CHMP5: variants seen among roughly 807,000 people sequenced by gnomAD.
The protein encoded by CHMP5 is charged multivesicular body protein 5.
CHMP5 carries 17 observed loss-of-function variants against 33.0 expected under a neutral mutation model. That is an observed-to-expected ratio of 0.52 (90% CI 0.35 to 0.77). The LOEUF is 0.77. CHMP5 is among the 30% of genes least tolerant of loss of function. The pLI is 0.01. For missense variants in CHMP5, 216 were observed against 261.5 expected (o/e 0.83, Z 1.20); for synonymous variants, 76 against 90.2 (o/e 0.84, Z 0.89).
intron 5 of CHMP5, 79 bp from the exon 6 acceptor site, chr9:33,276,377 C>T: frequency 1.3e-6 from 1 of 764,156 alleles, no homozygotes; most frequent in Non-Finnish European, 2.2e-6. Flanking sequence ...TGTCTAGATT[C>T]AAAGGAGAAT....
rs769449493 is a variant in CHMP5 at position 33,278,258 on chromosome 9, A to AAAAAGC, written c.609+35_609+36insAAGCAA. 41 of 1,282,130 alleles carry AAAAAGC rather than the reference A, an allele frequency of 3.2e-5. 1 individual carries two copies. In the Middle Eastern group the frequency reaches 1.1e-3, roughly 34 times the overall value. The allele number at this position is 1,282,130 out of a possible 1,614,324, so 79.4% of individuals were successfully genotyped here. On this transcript the variant is annotated intron_variant, in intron 7 of 7. Transcript: ENST00000223500. ...CTTTTTCTGTTTATATTTCAATGCA[A>AAAAAGC]AATAGCAAAGGCTTTATGCTTGACC...
intron 7 of CHMP5, among the ~76,000 whole-genome samples, chr9:33,279,216 A>G (rs1157507668): frequency 6.6e-6 from 1 of 152,174 alleles, no homozygotes; most frequent in Admixed American, 6.5e-5. Context: ...TGAGCCACTA[A>G]TAATGACAAC....
intron 5 of CHMP5, among the ~76,000 whole-genome samples, chr9:33,273,064 G>C (rs894965504): frequency 1.3e-5 from 2 of 152,078 alleles, no homozygotes; most frequent in African/African-American, 4.8e-5. Flanking sequence ...CCGCCTCCTG[G>C]GTTCAAGCAA....
At chr9:33,271,502 C>A (rs1445928606) in intron 5 of CHMP5, among the ~76,000 whole-genome samples, 1 of 152,200 alleles carries the variant, frequency 6.6e-6, no homozygotes, top group Non-Finnish European at 1.5e-5. Context: ...TCAGTAGAAA[C>A]CATACTTTGA....
At chr9:33,279,292 C>G (rs1313732928) in intron 7 of CHMP5, among the ~76,000 whole-genome samples, 3 of 152,142 alleles carry the variant, frequency 2.0e-5, no homozygotes, top group African/African-American at 7.2e-5. Flanking sequence ...TGAACCTCAT[C>G]AGTTTTTCCT....
chr9:33,280,527 C>T (rs760969514), intron 7 of CHMP5, among the ~76,000 whole-genome samples: 10 of 152,198 alleles, frequency 6.6e-5, no homozygotes, highest in Non-Finnish European at 8.8e-5. Context: ...CTCCCAGCCT[C>T]CTTTTCCCCT....
Position 33,265,161 on chromosome 9 carries a change from C to A in CHMP5, c.69+14C>A, listed in dbSNP as rs1820692148. 6.2e-7 allele frequency: 1 copy of A among 1,613,922 alleles called. No homozygotes were observed. On this transcript the variant is annotated intron_variant, in intron 1 of 7. Coordinates refer to ENST00000223500, the MANE Select transcript of CHMP5 (RefSeq NM_016410.6). ...TGCATTGGCACGGTGGGCATTTGAT[C>A]ATGCATAAGTAGGCTCAGGACCTCT...
rs774171310 is a variant in CHMP5, at chr9:33,276,561, G to T, written c.493G>T (p.Ala165Ser). 1 of 1,574,116 alleles carries T rather than the reference G, an allele frequency of 6.4e-7. No individual in the cohort carries two copies. The highest frequency in any genetic ancestry group is 1.7e-4 in the Middle Eastern group (1 of 6,002). The change falls in exon 6 of 8, where the codon GCA (alanine) becomes TCA (serine). Residue 165 changes from alanine (A) to serine (S), a missense_variant. By Grantham distance (99) the Ala-to-Ser change is moderately conservative. Coordinates refer to ENST00000223500, the MANE Select transcript of CHMP5 (RefSeq NM_016410.6). ...AGAACTGGATGAAGATGATTTAGAA[G>T]CAGGTAAGTTATGAGAAAAGTAATG... ...TPELDEDDLEAELDALGDELL... is the reference protein window; with the variant it reads ...TPELDEDDLESELDALGDELL...
chr9:33,266,573 T>C (rs552547129), intron 2 of CHMP5, among the ~76,000 whole-genome samples: 2 of 152,236 alleles, frequency 1.3e-5, no homozygotes, highest in Admixed American at 6.5e-5. Flanking sequence ...GTGTATCCTT[T>C]AGGGAGGAGA....
At chr9:33,271,046 G>T in intron 4 of CHMP5, 106 bp from the exon 5 acceptor site, 1 of 882,812 alleles carries the variant, frequency 1.1e-6, no homozygotes, top group Non-Finnish European at 1.8e-6. Flanking sequence ...ACTCCAGCCT[G>T]GGCAGCAAGA....
intron 5 of CHMP5, among the ~76,000 whole-genome samples, chr9:33,272,779 G>T (rs939435493): frequency 6.6e-6 from 1 of 151,808 alleles, no homozygotes; most frequent in South Asian, 2.1e-4. Flanking sequence ...CAGCCTGGGC[G>T]ACAGAGCAAG....
intron 7 of CHMP5, among the ~76,000 whole-genome samples, chr9:33,278,983 G>T (rs553233636): frequency 6.6e-6 from 1 of 152,216 alleles, no homozygotes; most frequent in East Asian, 1.9e-4. Flanking sequence ...GAGTGCAGTG[G>T]CGTGATCTCA....
intron 5 of CHMP5, among the ~76,000 whole-genome samples, chr9:33,273,889 G>A (rs375083439): frequency 6.6e-6 from 1 of 151,882 alleles, no homozygotes; most frequent in Non-Finnish European, 1.5e-5. Flanking sequence ...AGCTTGACTT[G>A]ATTAGCTTTC....
chr9:33,270,276 T>C (rs561245037), intron 3 of CHMP5, among the ~76,000 whole-genome samples: 2 of 152,334 alleles, frequency 1.3e-5, no homozygotes, highest in Non-Finnish European at 2.9e-5. Context: ...CTATATCATA[T>C]AGCTTAGGTG....
intron 5 of CHMP5, among the ~76,000 whole-genome samples, 195 bp from the exon 6 acceptor site, chr9:33,276,261 A>G (rs1342066032): frequency 6.6e-6 from 1 of 152,206 alleles, no homozygotes; most frequent in Non-Finnish European, 1.5e-5. Context: ...GTTAACATTA[A>G]AAAATTGCTA....
intron 2 of CHMP5, among the ~76,000 whole-genome samples, chr9:33,266,540 T>C (rs1243073863): frequency 7.2e-5 from 11 of 152,182 alleles, no homozygotes; most frequent in African/African-American, 2.7e-4. Context: ...GCTTACAGTC[T>C]GGTAAGGAGA....
chr9:33,272,712 G>A (rs183216303), intron 5 of CHMP5, among the ~76,000 whole-genome samples: 394 of 152,190 alleles, frequency 2.6e-3, no homozygotes, highest in African/African-American at 8.9e-3. Context: ...GCTGAGGCAG[G>A]AGAATGGCAA....
chr9:33,276,465 G>C lies in CHMP5; in HGVS notation c.397G>C (p.Asp133His). 2 of 1,596,036 alleles carry C rather than the reference G, an allele frequency of 1.3e-6. No homozygotes were observed. Among genetic ancestry groups the C allele is most frequent in the Non-Finnish European group, 8.6e-7 (1 of 1,164,788 alleles). ...VKIDQIEDLQ[D>H]QLEDMMEDAN... ...ATATATATTTCCGTAGGATTTACAA[G>C]ACCAGCTAGAGGATATGATGGAAGA... is the stretch of plus-strand genomic sequence containing the variant. The change falls in exon 6 of 8, where the codon GAC (aspartate) becomes CAC (histidine). Residue 133 changes from aspartate to histidine, a missense_variant. Physicochemically the swap from Asp to His is moderately conservative, Grantham distance 81 (BLOSUM62 -1). Coordinates refer to ENST00000223500, the MANE Select transcript of CHMP5 (RefSeq NM_016410.6).
At position 33,279,503 on chromosome 9, in the gene CHMP5, C is replaced by G. The variant is rs1027114304; in HGVS notation, c.609+1278C>G. Among the ~76,000 whole-genome samples the G allele has an allele frequency of 3.9e-5, 6 of 152,148 alleles. No individual in the cohort carries two copies. The South Asian group carries it at 6.2e-4, about 16-fold the overall frequency. On this transcript the variant is annotated intron_variant, in intron 7 of 7. Coordinates refer to ENST00000223500, the MANE Select transcript of CHMP5 (RefSeq NM_016410.6). ...GTCCCAGGTCCATGGGTTGCTTTTT[C>G]TCAGCAACCCATGAAATAATTTTTA...
Sources: gnomAD v4.1 joint callset for allele counts (sites outside exome capture counted in the v4.1 genomes callset) on GRCh38, gnomAD v4.1.1 for gene constraint, MANE v1.5 for transcripts, NCBI Gene and HGNC (gene_info 2026-07-23, HGNC 2026-07-21) for gene names.